The following SGCZ variants were observed in gnomAD, a reference collection of about 807,000 sequenced individuals.
SGCZ encodes the protein zeta-sarcoglycan.
A neutral mutation model predicts 41.3 loss-of-function variants in SGCZ; 40 were observed. The ratio of observed to expected loss-of-function variants is 0.97; its 90% CI spans 0.75 to 1.26. SGCZ has a LOEUF of 1.26. SGCZ is among the 50% of genes most tolerant of loss of function. The pLI, the probability that SGCZ is intolerant of heterozygous loss-of-function variation, is 0.00. For synonymous variants in SGCZ, 206 were observed against 137.5 expected (o/e 1.50, Z -3.49); for missense variants, 552 against 369.8 (o/e 1.49, Z -4.04).
chr8:14,817,380 C>G (rs1409839591), intron 1 of SGCZ, among the ~76,000 whole-genome samples: 4 of 152,182 alleles, frequency 2.6e-5, no homozygotes, highest in Non-Finnish European at 5.9e-5. Flanking sequence ...CCAGTCCTCA[C>G]AGGCCCTGAA....
chr8:14,098,367 A>T (rs1201319337), intron 7 of SGCZ, among the ~76,000 whole-genome samples: 1 of 152,050 alleles, frequency 6.6e-6, no homozygotes, highest in Non-Finnish European at 1.5e-5. Flanking sequence ...AACAACAAAA[A>T]CCCAAGGCAA....
At chr8:14,577,988 A>G (rs753049844) in intron 1 of SGCZ, among the ~76,000 whole-genome samples, 1 of 152,186 alleles carries the variant, frequency 6.6e-6, no homozygotes, top group Non-Finnish European at 1.5e-5. Flanking sequence ...ATGCACTGCA[A>G]TTAAGTGAAC....
At chr8:14,412,210 C>T (rs1164761660) in intron 2 of SGCZ, among the ~76,000 whole-genome samples, 1 of 151,982 alleles carries the variant, frequency 6.6e-6, no homozygotes, top group Non-Finnish European at 1.5e-5. Context: ...CAAACCTTAA[C>T]TCTATGATAT....
intron 1 of SGCZ, among the ~76,000 whole-genome samples, chr8:14,837,362 A>T (rs193045357): frequency 6.6e-6 from 1 of 152,228 alleles, no homozygotes; most frequent in South Asian, 2.1e-4. Flanking sequence ...CTACGAGAAA[A>T]CATTCTTAGT....
At chr8:14,768,365 G>A (rs139054872) in intron 1 of SGCZ, among the ~76,000 whole-genome samples, 12 of 152,182 alleles carry the variant, frequency 7.9e-5, no homozygotes, top group Admixed American at 3.3e-4. Flanking sequence ...TCCATGTTGC[G>A]TCCTATAGTG....
chr8:14,741,226 C>T (rs1001962677), intron 1 of SGCZ, among the ~76,000 whole-genome samples: 1 of 151,956 alleles, frequency 6.6e-6, no homozygotes, highest in Non-Finnish European at 1.5e-5. Context: ...CTCCTGCCCT[C>T]CCATTAATTC....
At chr8:14,465,567 G>C (rs137937101) in intron 2 of SGCZ, among the ~76,000 whole-genome samples, 3 of 151,364 alleles carry the variant, frequency 2.0e-5, no homozygotes, top group African/African-American at 7.3e-5. Flanking sequence ...TGTAGCTTTT[G>C]GGTCTTTTCT....
rs550429331 is a variant in SGCZ, at chr8:14,436,044, C to T, written c.235-111840G>A. On this transcript the variant is annotated intron_variant, in intron 2 of 7. Transcript: ENST00000382080. ...TAAGCAGGTATTATTTCTCCTAACC[C>T]TGACCTATAGCCATGATGAGAGATG... 3.3e-5 allele frequency among the ~76,000 whole-genome samples: 5 copies of T among 152,314 alleles called. No individual in the cohort carries two copies. The South Asian group carries it at 1.0e-3, about 32-fold the overall frequency.
chr8:14,849,491 T>C (rs905368145), intron 1 of SGCZ, among the ~76,000 whole-genome samples: 1 of 152,140 alleles, frequency 6.6e-6, no homozygotes, highest in African/African-American at 2.4e-5. Context: ...GAATAAACTA[T>C]TGATATATAC....
chr8:15,021,728 G>C (rs1563444114), intron 1 of SGCZ, among the ~76,000 whole-genome samples: 1 of 152,158 alleles, frequency 6.6e-6, no homozygotes, highest in Non-Finnish European at 1.5e-5. Flanking sequence ...TTTATCTTGA[G>C]GCCCTTCTTT....
intron 1 of SGCZ, among the ~76,000 whole-genome samples, chr8:14,950,935 C>T (rs1225922237): frequency 6.6e-6 from 1 of 151,872 alleles, no homozygotes; most frequent in African/African-American, 2.4e-5. Flanking sequence ...ATACTCTAGG[C>T]TAAAATTCAA....
At chr8:15,187,604 G>T (rs1413546780) in intron 1 of SGCZ, among the ~76,000 whole-genome samples, 2 of 151,994 alleles carry the variant, frequency 1.3e-5, no homozygotes, top group Admixed American at 1.3e-4. Flanking sequence ...ATCACATAAA[G>T]AACTTTTTAT....
intron 1 of SGCZ, among the ~76,000 whole-genome samples, chr8:15,035,286 G>T (rs141507739): frequency 9.9e-5 from 15 of 152,162 alleles, no homozygotes; most frequent in African/African-American, 2.4e-4. Flanking sequence ...CTAGCCTGTT[G>T]TAACTATAAA....
At chr8:14,741,762 A>G (rs13265489) in intron 1 of SGCZ, among the ~76,000 whole-genome samples, 1 of 152,086 alleles carries the variant, frequency 6.6e-6, no homozygotes, top group African/African-American at 2.4e-5. Flanking sequence ...TTTGAACACC[A>G]TGAATCATTA....
chr8:15,223,790 G>A (rs1233166056), intron 1 of SGCZ, among the ~76,000 whole-genome samples: 3 of 152,098 alleles, frequency 2.0e-5, no homozygotes, highest in Non-Finnish European at 4.4e-5. Context: ...TAAAAAACGA[G>A]AACTAGAAAA....
intron 1 of SGCZ, among the ~76,000 whole-genome samples, chr8:14,787,138 A>G (rs904804429): frequency 3.9e-5 from 6 of 152,198 alleles, no homozygotes; most frequent in African/African-American, 1.4e-4. Flanking sequence ...AGCAACAGAA[A>G]GATCCCCATG....
At chr8:14,796,689 C>A (rs1043952057) in intron 1 of SGCZ, among the ~76,000 whole-genome samples, 1 of 152,162 alleles carries the variant, frequency 6.6e-6, no homozygotes, top group Non-Finnish European at 1.5e-5. Context: ...ATCAACTCAA[C>A]TGGGCAGAGG....
intron 1 of SGCZ, among the ~76,000 whole-genome samples, chr8:15,196,351 C>A (rs893007320): frequency 7.9e-5 from 12 of 152,230 alleles, no homozygotes; most frequent in African/African-American, 2.9e-4. Flanking sequence ...CCATTTAACT[C>A]AAGAAAAGCT....
Position 14,626,475 on chromosome 8 carries a change from A to C in SGCZ, c.40-71549T>G, listed in dbSNP as rs888456752. 1.3e-5 allele frequency among the ~76,000 whole-genome samples: 2 copies of C among 152,072 alleles called. 1 individual carries two copies. The highest frequency in any genetic ancestry group is 3.9e-4 in the East Asian group (2 of 5,182). On this transcript the variant is annotated intron_variant, in intron 1 of 7. Transcript: ENST00000382080. ...TTTGAACTTTGTCTCTTCTAAATTC[A>C]TCTGGTGAAGTTCTAAACCCTAGTT...
Sources: gnomAD v4.1 joint callset for allele counts (sites outside exome capture counted in the v4.1 genomes callset) on GRCh38, gnomAD v4.1.1 for gene constraint, MANE v1.5 for transcripts, NCBI Gene and HGNC (gene_info 2026-07-23, HGNC 2026-07-21) for gene names.